The following NXPE4 variants were observed in gnomAD, a reference collection of about 807,000 sequenced individuals.
NXPE4 encodes NXPE family member 4.
In NXPE4, 42 loss-of-function variants were observed where a neutral mutation model predicts 33.3. That is an observed-to-expected ratio of 1.26 (90% CI 0.98 to 1.63). The LOEUF (loss-of-function observed/expected upper bound fraction) is 1.63, where lower values mean the gene tolerates loss of function less well. Among genes scored for constraint, NXPE4 ranks in the 40% most tolerant of loss-of-function variants. The pLI, the probability that NXPE4 is intolerant of heterozygous loss-of-function variation, is 0.00. For missense variants in NXPE4, 709 were observed against 647.6 expected, an observed-to-expected ratio of 1.09 and a Z score of -1.03; for synonymous variants, 253 against 234.9, an observed-to-expected ratio of 1.08 and a Z score of -0.71.
the NXPE4 span, among the ~76,000 whole-genome samples, chr11:114,624,108 C>T: frequency 2.0e-5 from 3 of 151,792 alleles, no homozygotes; most frequent in South Asian, 2.1e-4. Flanking sequence ...GGTTTTATGT[C>T]GTGGGTAACC....
chr11:114,675,757 C>T, the NXPE4 span, among the ~76,000 whole-genome samples: 1 of 151,728 alleles, frequency 6.6e-6, no homozygotes, highest in African/African-American at 2.4e-5. Context: ...AATTCTGAAA[C>T]TTACATGGAA....
At position 114,583,828 on chromosome 11, in the gene NXPE4, G is replaced by T. The variant is rs1039968135; in HGVS notation, c.97-807C>A. On this transcript the variant is annotated intron_variant, in intron 2 of 5. Coordinates refer to ENST00000375478, the MANE Select transcript of NXPE4 (RefSeq NM_001077639.2). Reference sequence around the variant, plus strand: ...AAGAGGCCTTCTATATTACAGGCTAGGCCAGGACTGTGTCCTTTCATAAAT... The same window carrying T: ...AAGAGGCCTTCTATATTACAGGCTATGCCAGGACTGTGTCCTTTCATAAAT... 53 of 407,286 alleles carry T rather than the reference G, an allele frequency of 1.3e-4. 1 individual carries two copies. Among genetic ancestry groups the T allele is most frequent in the African/African-American group, 1.0e-3 (50 of 48,492 alleles). 25.2% of individuals were successfully genotyped at this position (407,286 alleles called of 1,614,324 possible). A position where few individuals can be genotyped will look rare whatever the true frequency, so the allele number is the denominator to read the frequency against.
the NXPE4 span, among the ~76,000 whole-genome samples, chr11:114,663,341 CA>C: frequency 6.6e-6 from 1 of 152,090 alleles, no homozygotes; most frequent in African/African-American, 2.4e-5. Context: ...TGTAGCCTGC[CA>C]ATGTCTGGAT....
At chr11:114,614,238 C>T in the NXPE4 span, among the ~76,000 whole-genome samples, 1 of 151,928 alleles carries the variant, frequency 6.6e-6, no homozygotes, top group Admixed American at 6.6e-5. Context: ...CGTGGGTAAC[C>T]ACTGTTACCC....
the NXPE4 span, among the ~76,000 whole-genome samples, chr11:114,667,380 A>G: frequency 2.0e-5 from 3 of 152,198 alleles, no homozygotes; most frequent in Non-Finnish European, 2.9e-5. Context: ...CTGAAGTAAT[A>G]GACTTCTAAA....
At chr11:114,644,551 C>G in the NXPE4 span, among the ~76,000 whole-genome samples, 3 of 152,034 alleles carry the variant, frequency 2.0e-5, no homozygotes, top group Admixed American at 6.6e-5. Flanking sequence ...TTTGCTACTG[C>G]ATGTACAACA....
the NXPE4 span, among the ~76,000 whole-genome samples, chr11:114,615,795 GATA>G: frequency 1.3e-5 from 2 of 151,602 alleles, no homozygotes; most frequent in Non-Finnish European, 1.5e-5. Flanking sequence ...TTACCCAATG[GATA>G]ATAAGTATTG....
the NXPE4 span, among the ~76,000 whole-genome samples, chr11:114,624,003 G>A: frequency 3.8e-4 from 58 of 151,738 alleles, no homozygotes; most frequent in East Asian, 9.8e-3. Flanking sequence ...ACTGTTACCC[G>A]GTGGATAATA....
At chr11:114,656,847 C>T in the NXPE4 span, among the ~76,000 whole-genome samples, 2 of 152,216 alleles carry the variant, frequency 1.3e-5, no homozygotes, top group East Asian at 3.9e-4. Flanking sequence ...AATCCCAGCA[C>T]TTTGGGAGGC....
the NXPE4 span, among the ~76,000 whole-genome samples, chr11:114,647,461 C>T: frequency 1.3e-5 from 2 of 152,094 alleles, no homozygotes; most frequent in Non-Finnish European, 2.9e-5. Flanking sequence ...TAAAGGGGGA[C>T]AAAGTCTTTA....
the NXPE4 span, among the ~76,000 whole-genome samples, chr11:114,614,438 C>T: frequency 2.3e-4 from 35 of 151,966 alleles, no homozygotes; most frequent in East Asian, 1.6e-3. Context: ...AGTATTGCCT[C>T]GTGGGTAACC....
the NXPE4 span, among the ~76,000 whole-genome samples, chr11:114,668,036 C>G: frequency 6.6e-6 from 1 of 151,776 alleles, no homozygotes; most frequent in African/African-American, 2.4e-5. Context: ...CAGGTACACA[C>G]AGAAGGAACC....
upstream of NXPE4, among the ~76,000 whole-genome samples, chr11:114,598,725 G>C (rs1337765419): frequency 6.6e-6 from 1 of 152,110 alleles, no homozygotes; most frequent in Non-Finnish European, 1.5e-5. Flanking sequence ...TTTTGAGGCT[G>C]TGCAGGGTGA....
chr11:114,670,114 T>C, the NXPE4 span, among the ~76,000 whole-genome samples: 1 of 152,020 alleles, frequency 6.6e-6, no homozygotes, highest in Non-Finnish European at 1.5e-5. Flanking sequence ...AAGGAGTCTA[T>C]ATTTAATTTA....
the NXPE4 span, among the ~76,000 whole-genome samples, chr11:114,644,419 G>A: frequency 1.3e-5 from 2 of 152,074 alleles, no homozygotes; most frequent in Admixed American, 1.3e-4. Flanking sequence ...ATTATTTTGA[G>A]ATATAGTCCA....
chr11:114,642,281 G>C, the NXPE4 span, among the ~76,000 whole-genome samples: 1 of 151,974 alleles, frequency 6.6e-6, no homozygotes. Flanking sequence ...GAGGGATACT[G>C]TTTATAAAAT....
At chr11:114,614,976 G>A in the NXPE4 span, among the ~76,000 whole-genome samples, 2 of 149,970 alleles carry the variant, frequency 1.3e-5, no homozygotes, top group African/African-American at 2.5e-5. Flanking sequence ...GTATTGCCTC[G>A]TGAGTAACCA....
the NXPE4 span, among the ~76,000 whole-genome samples, chr11:114,664,012 T>A: frequency 6.6e-6 from 1 of 152,128 alleles, no homozygotes; most frequent in Non-Finnish European, 1.5e-5. Flanking sequence ...AAAACAGACT[T>A]ACCACACAGC....
the NXPE4 span, among the ~76,000 whole-genome samples, chr11:114,625,820 A>C: frequency 6.6e-6 from 1 of 152,090 alleles, no homozygotes; most frequent in East Asian, 1.9e-4. Context: ...GGGTGAGCAC[A>C]CCACGTGCAA....
Sources: gnomAD v4.1 joint callset for allele counts (sites outside exome capture counted in the v4.1 genomes callset) on GRCh38, gnomAD v4.1.1 for gene constraint, MANE v1.5 for transcripts, NCBI Gene and HGNC (gene_info 2026-07-23, HGNC 2026-07-21) for gene names.